Variants in SACS observed in about 807,000 individuals in gnomAD.
SACS encodes the protein sacsin molecular chaperone, also known as sacsin.
Under a neutral mutation model 348.0 loss-of-function variants are expected in SACS, and 197 were observed. The ratio of observed to expected loss-of-function variants is 0.57; its 90% CI spans 0.50 to 0.64. SACS has a LOEUF of 0.64. Among genes scored for constraint, SACS ranks in the 30% least tolerant of loss-of-function variants. The pLI, the probability that SACS is intolerant of heterozygous loss-of-function variation, is 0.00. For synonymous variants in SACS, 1,985 were observed against 1,910.6 expected, an observed-to-expected ratio of 1.04 and a Z score of -1.02; for missense variants, 4,999 against 5,360.8, an observed-to-expected ratio of 0.93 and a Z score of 2.11.
At chr13:23,352,596 A>G (rs1870034300) in intron 9 of SACS, among the ~76,000 whole-genome samples, 1 of 152,198 alleles carries the variant, frequency 6.6e-6, no homozygotes, top group African/African-American at 2.4e-5. Flanking sequence ...TTCTATATGC[A>G]TCTTATATTT....
At chr13:23,354,391 T>A (rs113233350) in intron 8 of SACS, 128 bp downstream of exon 8, 1 of 756,776 alleles carries the variant, frequency 1.3e-6, no homozygotes, top group Non-Finnish European at 2.2e-6. Flanking sequence ...AATGTATTTC[T>A]GCAAAAGTCT....
intron 6 of SACS, among the ~76,000 whole-genome samples, chr13:23,360,920 A>G (rs902361402): frequency 6.6e-6 from 1 of 151,940 alleles, no homozygotes; most frequent in Admixed American, 6.6e-5. Context: ...ACACCCAGCT[A>G]ATTTTTGTAT....
At position 23,338,414 on chromosome 13, in the gene SACS, C is replaced by A; in HGVS notation, c.5462G>T (p.Cys1821Phe). The A allele has an allele frequency of 6.2e-7, 1 of 1,614,096 alleles. No individual in the cohort carries two copies. The highest frequency in any genetic ancestry group is 8.5e-7 in the Non-Finnish European group (1 of 1,180,008). ...KTVECTTWLL[C>F]TCMDTGEALK... ...AGCCTCTCCTGTGTCCATGCAAGTA[C>A]ACAGAAGCCACGTGGTACACTCTAC... The change falls in exon 10 of 10, where the codon TGT becomes TTT. Residue 1821 changes from cysteine to phenylalanine, a missense_variant. This residue lies in a region of SACS where 3,156 missense variants were observed against 3,380.1 expected (regional missense o/e 0.93). Transcript: ENST00000382292.
intron 2 of SACS, among the ~76,000 whole-genome samples, chr13:23,408,724 G>C (rs34411115): frequency 6.6e-6 from 1 of 151,936 alleles, no homozygotes; most frequent in East Asian, 2.0e-4. Context: ...CCAGCACTTC[G>C]GGAGGCCGAG....
chr13:23,409,451 G>A (rs1873395408), intron 2 of SACS, among the ~76,000 whole-genome samples: 1 of 150,282 alleles, frequency 6.7e-6, no homozygotes, highest in South Asian at 2.1e-4. Context: ...CCGCCTCCTG[G>A]GTTCAAGCGA....
At chr13:23,429,401 C>T (rs1421448046) in intron 1 of SACS, among the ~76,000 whole-genome samples, 1 of 111,132 alleles carries the variant, frequency 9.0e-6, no homozygotes, top group Non-Finnish European at 1.7e-5. Context: ...CTCGCTCTGT[C>T]ACCCGGGCTG....
In SACS at chr13:23,334,420, T is replaced by C; in HGVS notation, c.9456A>G (p.Gly3152=). 1 of 1,612,826 alleles carries C rather than the reference T, an allele frequency of 6.2e-7. No homozygotes were observed. The highest frequency in any genetic ancestry group is 8.5e-7 in the Non-Finnish European group (1 of 1,179,740). ...DAEENEIEVE[G]LPLLITLDSV... is the part of the protein sequence containing the mutation. The stretch of plus-strand genomic sequence containing the variant: ...TGTCCAGTGTGATGAGAAGGGGCAA[T>C]CCCTCAACTTCAATCTCATTTTCTT... The change falls in exon 10 of 10, where the codon GGA becomes GGG. Residue 3152 remains glycine (G), a synonymous_variant. Transcript: ENST00000382292.
At chr13:23,370,828 T>C (rs1300943896) in intron 4 of SACS, among the ~76,000 whole-genome samples, 1 of 152,186 alleles carries the variant, frequency 6.6e-6, no homozygotes, top group Non-Finnish European at 1.5e-5. Flanking sequence ...CTGGGCGTGA[T>C]GGCAGGCACC....
chr13:23,417,348 C>A lies in SACS; in HGVS notation c.-501-5608G>T, dbSNP rs9580617. Among the ~76,000 whole-genome samples, 1,474 of 152,246 alleles carry A rather than the reference C, an allele frequency of 9.7e-3. 20 individuals are homozygous for A. Among genetic ancestry groups the A allele is most frequent in the African/African-American group, 0.034 (1,401 of 41,538 alleles). On this transcript the variant is annotated intron_variant, in intron 1 of 9. Transcript: ENST00000382292. ...AATAAAAACACAATAACCAAAGACA[C>A]TACTTAAGAAGAAGAGGGAAGACTT...
intron 2 of SACS, among the ~76,000 whole-genome samples, chr13:23,405,905 T>G: frequency 6.6e-6 from 1 of 152,112 alleles, no homozygotes; most frequent in East Asian, 1.9e-4. Flanking sequence ...CTGGAGAGGA[T>G]GTGGAGAAAT....
At chr13:23,345,505 T>C (rs926159500) in intron 9 of SACS, among the ~76,000 whole-genome samples, 1 of 152,196 alleles carries the variant, frequency 6.6e-6, no homozygotes, top group African/African-American at 2.4e-5. Flanking sequence ...TCTGACTTCT[T>C]AGCTTTCGTC....
chr13:23,410,409 G>A (rs1030453791), intron 2 of SACS, among the ~76,000 whole-genome samples: 6 of 152,142 alleles, frequency 3.9e-5, no homozygotes, highest in African/African-American at 1.4e-4. Flanking sequence ...TAGTTCCACT[G>A]TCTAATGGGT....
intron 1 of SACS, among the ~76,000 whole-genome samples, chr13:23,429,344 G>GTTTTT (rs1566116540): frequency 4.6e-5 from 3 of 65,386 alleles, no homozygotes; most frequent in South Asian, 6.2e-4. Context: ...TTGAGGTAGG[G>GTTTTT]ATTTTTTTTT....
chr13:23,398,685 T>C (rs539430395), intron 2 of SACS, among the ~76,000 whole-genome samples: 1 of 152,152 alleles, frequency 6.6e-6, no homozygotes, highest in Admixed American at 6.5e-5. Context: ...ACAATTGAGA[T>C]CTGGGATCAA....
intron 7 of SACS, 92 bp from the exon 8 acceptor site, chr13:23,356,099 A>G: frequency 9.4e-7 from 1 of 1,064,194 alleles, no homozygotes; most frequent in Non-Finnish European, 1.4e-6. Context: ...AGCATGAGCC[A>G]TTAAATGACT....
intron 2 of SACS, among the ~76,000 whole-genome samples, chr13:23,384,567 T>G (rs764977853): frequency 6.6e-6 from 1 of 152,226 alleles, no homozygotes; most frequent in African/African-American, 2.4e-5. Context: ...TTAGAGAAAG[T>G]TGTGAGTTGA....
intron 1 of SACS, among the ~76,000 whole-genome samples, chr13:23,412,114 C>T (rs924929815): frequency 4.6e-5 from 7 of 152,034 alleles, no homozygotes; most frequent in Admixed American, 3.9e-4. Flanking sequence ...AAAAAATTAG[C>T]CGGGCGTGGT....
chr13:23,399,625 G>T (rs1046234279), intron 2 of SACS, among the ~76,000 whole-genome samples: 1 of 152,092 alleles, frequency 6.6e-6, no homozygotes, highest in East Asian at 1.9e-4. Flanking sequence ...GACTAACCAC[G>T]TTAGGGATGA....
At chr13:23,400,582 G>A (rs34316522) in intron 2 of SACS, among the ~76,000 whole-genome samples, 23,394 of 151,972 alleles carry the variant, frequency 0.15, 2,220 homozygotes, top group Non-Finnish European at 0.21. Context: ...CACCACACCC[G>A]GCTAATTTTT....
Sources: allele counts gnomAD v4.1 joint callset (sites outside exome capture counted in the v4.1 genomes callset), GRCh38; gene constraint gnomAD v4.1.1; regional missense constraint gnomAD v4.1.1; transcripts MANE v1.5; gene names NCBI Gene and HGNC (gene_info 2026-07-23, HGNC 2026-07-21).